CD82: variants seen among roughly 807,000 people sequenced by gnomAD.
The protein encoded by CD82 is CD82 molecule.
Under a neutral mutation model 37.4 loss-of-function variants are expected in CD82, and 36 were observed. That is an observed-to-expected ratio of 0.96 (90% CI 0.74 to 1.27). CD82 has a LOEUF of 1.27. Among genes scored for constraint, CD82 ranks in the 50% most tolerant of loss-of-function variants. CD82 has a pLI of 0.00. For synonymous variants in CD82, 158 were observed against 137.4 expected (o/e 1.15, Z -1.05); for missense variants, 340 against 347.0 (o/e 0.98, Z 0.16).
At chr11:44,595,045 T>C (rs979026451) in intron 3 of CD82, 25 of 395,520 alleles carry the variant, frequency 6.3e-5, no homozygotes, top group Non-Finnish European at 9.9e-5. Context: ...CAGCAGGAGC[T>C]GCTAGAAGAA....
chr11:44,615,362 G>A lies in CD82; in HGVS notation c.427G>A (p.Val143Met), dbSNP rs200277144. ...CAGCCTGCAGGATGCCTGGGACTACGTGCAGGCTCAGGTGAGGTGGGGCGG... is the reference window on the plus strand; with the variant it reads ...CAGCCTGCAGGATGCCTGGGACTACATGCAGGCTCAGGTGAGGTGGGGCGG... Reference protein sequence around the residue: ...EDSLQDAWDYVQAQVKCCGWV... With the variant: ...EDSLQDAWDYMQAQVKCCGWV... Residue 143 changes from valine (V) to methionine (M), a missense_variant, in exon 7 of 10, where the codon GTG becomes ATG. Physicochemically the swap from Val to Met is conservative, Grantham distance 21 (BLOSUM62 1). Coordinates refer to ENST00000227155, the MANE Select transcript of CD82 (RefSeq NM_002231.4). 1.9e-4 allele frequency: 310 copies of A among 1,607,984 alleles called. No individual in the cohort carries two copies. Among genetic ancestry groups the A allele is most frequent in the Non-Finnish European group, 2.4e-4 (283 of 1,174,596 alleles).
In CD82 at chr11:44,589,689, A is replaced by G. The variant is rs183322288; in HGVS notation, c.-21+2133A>G. On this transcript the variant is annotated intron_variant, in intron 2 of 9. Coordinates refer to ENST00000227155, the MANE Select transcript of CD82 (RefSeq NM_002231.4). ...CCCAGGAAGTCCCTCCTCTGTGGCC[A>G]CACATTGGCAAAGCCAGGATTTGAA... 1.6e-3 allele frequency among the ~76,000 whole-genome samples: 245 copies of G among 152,344 alleles called. 2 individuals carry two copies. The highest frequency in any genetic ancestry group is 5.7e-3 in the African/African-American group (235 of 41,578).
intron 1 of CD82, among the ~76,000 whole-genome samples, chr11:44,581,621 T>G (rs1852980235): frequency 6.6e-6 from 1 of 152,174 alleles, no homozygotes; most frequent in Non-Finnish European, 1.5e-5. Context: ...GTCATCTGTT[T>G]CCTGTTTCAC....
chr11:44,588,946 G>C (rs1033759865), intron 2 of CD82, among the ~76,000 whole-genome samples: 2 of 152,172 alleles, frequency 1.3e-5, no homozygotes, highest in African/African-American at 4.8e-5. Flanking sequence ...AATTTACCTG[G>C]TGTCAAGTAT....
intron 6 of CD82, among the ~76,000 whole-genome samples, chr11:44,614,177 T>C (rs1376416524): frequency 6.6e-6 from 1 of 152,058 alleles, no homozygotes; most frequent in Non-Finnish European, 1.5e-5. Context: ...CATGACTACA[T>C]AGAGGGAGGA....
At chr11:44,568,995 C>T (rs890800148) in intron 1 of CD82, among the ~76,000 whole-genome samples, 4 of 152,170 alleles carry the variant, frequency 2.6e-5, no homozygotes, top group Non-Finnish European at 4.4e-5. Context: ...TCACAGGGGG[C>T]GGTTATGACT....
chr11:44,612,446 A>G (rs901300603), intron 6 of CD82, among the ~76,000 whole-genome samples: 1 of 152,072 alleles, frequency 6.6e-6, no homozygotes, highest in African/African-American at 2.4e-5. Context: ...CAGGTACATA[A>G]CAAACATTTG....
Position 44,594,710 on chromosome 11 carries a change from C to G in CD82, c.48C>G (p.Phe16Leu), listed in dbSNP as rs1284077486. 1 of 1,613,622 alleles carries G rather than the reference C, an allele frequency of 6.2e-7. No homozygotes were observed. Among genetic ancestry groups the G allele is most frequent in the Non-Finnish European group, 8.5e-7 (1 of 1,179,530 alleles). ...IKVTKYFLFL[F>L]NLIFFILGAV... ...TCACCAAATACTTTCTCTTCCTCTTCAACTTGATCTTCTTTGTAAGTATGT... is the reference window on the plus strand; with the variant it reads ...TCACCAAATACTTTCTCTTCCTCTTGAACTTGATCTTCTTTGTAAGTATGT... The change falls in exon 3 of 10, where the codon TTC (phenylalanine) becomes TTG (leucine). Residue 16 changes from phenylalanine (F) to leucine (L), a missense_variant. Phe to Leu is a conservative substitution (Grantham distance 22). Transcript: ENST00000227155.
At chr11:44,612,758 G>A (rs1371725653) in intron 6 of CD82, among the ~76,000 whole-genome samples, 3 of 149,216 alleles carry the variant, frequency 2.0e-5, no homozygotes, top group Admixed American at 6.8e-5. Context: ...TCAGTCTCGC[G>A]AGTAGCTGGG....
intron 2 of CD82, among the ~76,000 whole-genome samples, chr11:44,589,152 A>T (rs1371667825): frequency 6.6e-6 from 1 of 152,222 alleles, no homozygotes; most frequent in African/African-American, 2.4e-5. Flanking sequence ...GCTACTCTGG[A>T]GGCTGAAGCA....
At chr11:44,598,385 G>A (rs1216877352) in intron 3 of CD82, among the ~76,000 whole-genome samples, 1 of 122,504 alleles carries the variant, frequency 8.2e-6, no homozygotes, top group Non-Finnish European at 1.7e-5. Context: ...CAGTTATCAT[G>A]GATTTTTGGC....
intron 6 of CD82, among the ~76,000 whole-genome samples, 189 bp downstream of exon 6, chr11:44,605,618 G>A (rs11604994): frequency 0.23 from 34,645 of 152,030 alleles, 4,292 homozygotes; most frequent in East Asian, 0.32. Context: ...CGGCAGGTGT[G>A]GGCAGTCCCC....
At chr11:44,603,081 C>T (rs1853331606) in intron 4 of CD82, among the ~76,000 whole-genome samples, 1 of 152,136 alleles carries the variant, frequency 6.6e-6, no homozygotes. Flanking sequence ...GGAGTAATCA[C>T]TGGGAGGAAT....
Position 44,612,985 on chromosome 11 carries a change from G to A in CD82, c.337-2287G>A, listed in dbSNP as rs1027459139. On this transcript the variant is annotated intron_variant, in intron 6 of 9. Transcript: ENST00000227155. Reference sequence around the variant, plus strand: ...GCTGGGTGAGGAGCCAGGGCTGCAGGTCCATCTGCAGGATATGGGTTCTCT... The same window carrying A: ...GCTGGGTGAGGAGCCAGGGCTGCAGATCCATCTGCAGGATATGGGTTCTCT... 2.0e-5 allele frequency among the ~76,000 whole-genome samples: 3 copies of A among 152,076 alleles called. No homozygotes were observed. The South Asian group carries it at 6.2e-4, about 32-fold the overall frequency.
At chr11:44,581,809 C>T (rs1248686621) in intron 1 of CD82, among the ~76,000 whole-genome samples, 1 of 152,200 alleles carries the variant, frequency 6.6e-6, no homozygotes, top group African/African-American at 2.4e-5. Flanking sequence ...TATGAGGTCC[C>T]CTCTGAGGGC....
At chr11:44,598,400 A>ATTTTTTTTGT (rs1853258819) in intron 3 of CD82, among the ~76,000 whole-genome samples, 1 of 58,880 alleles carries the variant, frequency 1.7e-5, no homozygotes, top group African/African-American at 6.5e-5. Flanking sequence ...TTTGGCCTTA[A>ATTTTTTTTGT]TTTTTTTTTT....
chr11:44,618,310 C>T lies in CD82; in HGVS notation c.587C>T (p.Pro196Leu), dbSNP rs1853597114. ...GTGAGGAAGGGCTTCTGCGAGGCCCCCGGCAACAGGACCCAGAGTGGCAAC... is the reference window on the plus strand; with the variant it reads ...GTGAGGAAGGGCTTCTGCGAGGCCCTCGGCAACAGGACCCAGAGTGGCAAC... ...LSVRKGFCEA[P>L]GNRTQSGNHP... The change falls in exon 8 of 10, where the codon CCC (proline) becomes CTC (leucine). Residue 196 changes from proline (P) to leucine (L), a missense_variant. Physicochemically the swap from Pro to Leu is moderately conservative, Grantham distance 98. Transcript: ENST00000227155. The T allele has an allele frequency of 6.2e-7, 1 of 1,613,884 alleles. No individual in the cohort carries two copies.
intron 6 of CD82, among the ~76,000 whole-genome samples, chr11:44,610,251 G>T (rs148771237): frequency 6.9e-4 from 105 of 152,310 alleles, no homozygotes; most frequent in African/African-American, 2.3e-3. Context: ...TCGAGAGAGG[G>T]ATTTGATTTG....
rs1853247398 is a variant in CD82 at position 44,597,566 on chromosome 11, G to A, written c.64-2592G>A. Among the ~76,000 whole-genome samples, 1 of 152,232 alleles carries A rather than the reference G, an allele frequency of 6.6e-6. No individual in the cohort carries two copies. The highest frequency in any genetic ancestry group is 6.5e-5 in the Admixed American group (1 of 15,290). ...GAGGGACTGAATGGGTAGCCCCGGGGACTTTGCTCTCTGGGTTCCTCTTGG... is the reference window on the plus strand; with the variant it reads ...GAGGGACTGAATGGGTAGCCCCGGGAACTTTGCTCTCTGGGTTCCTCTTGG... On this transcript the variant is annotated intron_variant, in intron 3 of 9. Coordinates refer to ENST00000227155, the MANE Select transcript of CD82 (RefSeq NM_002231.4). The surrounding 1 kb of genome is among the most constrained non-coding windows in gnomAD (Gnocchi z 4.1).
Sources: allele counts gnomAD v4.1 joint callset (sites outside exome capture counted in the v4.1 genomes callset), GRCh38; gene constraint gnomAD v4.1.1; non-coding constraint Gnocchi (gnomAD v3.1); transcripts MANE v1.5; gene names NCBI Gene and HGNC (gene_info 2026-07-23, HGNC 2026-07-21).